FREM1: variants seen among roughly 807,000 people sequenced by gnomAD.
FREM1 encodes FRAS1 related extracellular matrix 1, also known as FRAS1-related extracellular matrix protein 1.
FREM1 carries 220 observed loss-of-function variants against 210.1 expected under a neutral mutation model. The ratio of observed to expected loss-of-function variants is 1.05; its 90% CI spans 0.94 to 1.17. FREM1 has a LOEUF of 1.17. FREM1 is among the 50% of genes most tolerant of loss of function. The pLI, the probability that FREM1 is intolerant of heterozygous loss-of-function variation, is 0.00. For synonymous variants in FREM1, 1,189 were observed against 980.2 expected (o/e 1.21, Z -3.98); for missense variants, 3,454 against 2,675.5 (o/e 1.29, Z -6.42).
chr9:14,839,869 G>C (rs749160254), intron 10 of FREM1, among the ~76,000 whole-genome samples: 63 of 152,298 alleles, frequency 4.1e-4, no homozygotes, highest in Middle Eastern at 3.4e-3. Flanking sequence ...CCTATTAACT[G>C]TTACCTTTTT....
chr9:14,823,380 G>A (rs1257429203), intron 12 of FREM1, 53 bp from the exon 13 acceptor site: 1 of 1,500,490 alleles, frequency 6.7e-7, no homozygotes, highest in African/African-American at 1.4e-5. Context: ...AGGATCAAAA[G>A]CTTTTAGAGG....
At position 14,860,834 on chromosome 9, in the gene FREM1, CGTATATATACATATATACGT is replaced by C. The variant is rs1564102282; in HGVS notation, c.330-1370_330-1351del. On this transcript the variant is annotated intron_variant, in intron 3 of 36. Coordinates refer to ENST00000380880, the MANE Select transcript of FREM1 (RefSeq NM_001379081.2). ...ATATATACACATATATACATATATA[CGTATATATACATATATACGT>C]ATATATACACATATATATACGTATA... Among the ~76,000 whole-genome samples, 180 of 114,796 alleles carry C rather than the reference CGTATATATACATATATACGT, an allele frequency of 1.6e-3. 4 individuals are homozygous for C. The highest frequency in any genetic ancestry group is 2.1e-3 in the Non-Finnish European group (125 of 60,826). 75.3% of individuals were successfully genotyped at this position (114,796 alleles called of 152,430 possible).
At chr9:14,846,373 A>G (rs371324804) in intron 7 of FREM1, among the ~76,000 whole-genome samples, 6 of 152,156 alleles carry the variant, frequency 3.9e-5, no homozygotes, top group African/African-American at 1.4e-4. Flanking sequence ...GTAGAGGGGA[A>G]AGGGGAGAAA....
chr9:14,885,000 C>T (rs1325784253), intron 1 of FREM1, among the ~76,000 whole-genome samples: 2 of 128,778 alleles, frequency 1.6e-5, no homozygotes, highest in Non-Finnish European at 3.1e-5. Context: ...TCTCGGCTCA[C>T]TGCAAGCTCC....
At position 14,846,094 on chromosome 9, in the gene FREM1, A is replaced by G. The variant is rs376125753; in HGVS notation, c.1262-3T>C. 7.7e-6 allele frequency: 12 copies of G among 1,563,352 alleles called. No homozygotes were observed. The African/African-American group carries it at 1.4e-4, about 18-fold the overall frequency. The stretch of plus-strand genomic sequence containing the variant: ...CTGCCCCTCAAGGAGACTCAGACCT[A>G]TGAAAGAAAGGAGAAAAGGGTGTTG... On this transcript the variant is annotated splice_polypyrimidine_tract_variant and splice_region_variant and intron_variant, in intron 7 of 36. Transcript: ENST00000380880.
intron 30 of FREM1, among the ~76,000 whole-genome samples, chr9:14,748,853 A>T (rs1842886172): frequency 6.6e-6 from 1 of 152,248 alleles, no homozygotes; most frequent in South Asian, 2.1e-4. Flanking sequence ...TTGAGTGATT[A>T]TAAAGTCATG....
At chr9:14,812,495 C>T (rs1819581423) in intron 16 of FREM1, among the ~76,000 whole-genome samples, 1 of 152,060 alleles carries the variant, frequency 6.6e-6, no homozygotes, top group African/African-American at 2.4e-5. Flanking sequence ...GATTTATAGA[C>T]CCACCAACTA....
At chr9:14,793,944 G>A (rs900519803) in intron 21 of FREM1, among the ~76,000 whole-genome samples, 4 of 152,208 alleles carry the variant, frequency 2.6e-5, no homozygotes, top group Non-Finnish European at 1.5e-5. Context: ...ATTCCAGAAA[G>A]CTAAGCAATC....
At chr9:14,806,635 T>C (rs1461189572) in intron 18 of FREM1, 26 bp downstream of exon 18, 3 of 1,337,714 alleles carry the variant, frequency 2.2e-6, no homozygotes, top group African/African-American at 2.9e-5. Flanking sequence ...AAGGGAGTCA[T>C]TGCTGGTGAC....
chr9:14,797,566 T>A lies in FREM1; in HGVS notation c.3771A>T (p.Lys1257Asn), dbSNP rs765821849. 2.5e-6 allele frequency: 4 copies of A among 1,613,086 alleles called. No individual in the cohort carries two copies. The highest frequency in any genetic ancestry group is 3.3e-5 in the Admixed American group (2 of 59,996). ...DDFTIQLSDG[K>N]HKILKTISVE... ...CTGAAATGGTTTTAAGTATCTTATG[T>A]TTCCCATCTGACAATTGGATTGTAA... The change falls in exon 21 of 37, where the codon AAA (lysine) becomes AAT (asparagine). Residue 1257 changes from lysine (K) to asparagine (N), a missense_variant. By Grantham distance (94) the Lys-to-Asn change is moderately conservative (BLOSUM62 0). Coordinates refer to ENST00000380880, the MANE Select transcript of FREM1 (RefSeq NM_001379081.2).
chr9:14,871,651 T>C (rs1354702118), intron 1 of FREM1, among the ~76,000 whole-genome samples: 1 of 152,186 alleles, frequency 6.6e-6, no homozygotes, highest in Non-Finnish European at 1.5e-5. Context: ...AGAAGCTCTT[T>C]AGTTTAATTA....
chr9:14,797,525 A>G lies in FREM1; in HGVS notation c.3812T>C (p.Val1271Ala). The stretch of plus-strand genomic sequence containing the variant: ...GCTCAGCATTGGTTTTTCATCATTA[A>G]CTGGGATGACCTCTACTGAAATGGT... The part of the protein sequence containing the change: ...LKTISVEVIP[V>A]NDEKPMLSKK... The change falls in exon 21 of 37, where the codon GTT becomes GCT. Residue 1271 changes from valine (V) to alanine (A), a missense_variant. Coordinates refer to ENST00000380880, the MANE Select transcript of FREM1 (RefSeq NM_001379081.2). 4 of 1,609,426 alleles carry G rather than the reference A, an allele frequency of 2.5e-6. No individual in the cohort carries two copies. The highest frequency in any genetic ancestry group is 3.4e-6 in the Non-Finnish European group (4 of 1,177,890).
chr9:14,778,640 AAAGGGAGGG>A (rs757735664), intron 24 of FREM1, among the ~76,000 whole-genome samples: 1 of 96,144 alleles, frequency 1.0e-5, no homozygotes, highest in Non-Finnish European at 2.1e-5. Flanking sequence ...AGAGGAAAGG[AAAGGGAGGG>A]AAGGGAGGGG....
chr9:14,898,292 A>G (rs906688844), intron 1 of FREM1, among the ~76,000 whole-genome samples: 1 of 152,254 alleles, frequency 6.6e-6, no homozygotes, highest in East Asian at 1.9e-4. Flanking sequence ...AATGTAAATC[A>G]AAGTTGCCAG....
chr9:14,808,230 C>G (rs1271389180), intron 16 of FREM1, 96 bp from the exon 17 acceptor site: 1 of 719,286 alleles, frequency 1.4e-6, no homozygotes, highest in Non-Finnish European at 2.2e-6. Context: ...ATTGAAACAG[C>G]AAGGAAAAGA....
chr9:14,868,829 GC>G lies in FREM1; in HGVS notation c.148del (p.Ala50ProfsTer14), dbSNP rs1832041898. 6.2e-7 allele frequency: 1 copy of G among 1,611,862 alleles called. No homozygotes were observed. The highest frequency in any genetic ancestry group is 8.5e-7 in the Non-Finnish European group (1 of 1,179,000). ...GCAGGCATCTTTCTCTTTAGGGATG[GC>G]AAACTTCAGGTCATCTCCTGACAGG... Reference protein sequence around the residue: ...AFLSGDDLKFAIPKEKDACKV... With the variant: ...AFLSGDDLKFXIPKEKDACKV... On this transcript the variant is annotated frameshift_variant, in exon 2 of 37. Transcript: ENST00000380880. LOFTEE classifies it high-confidence loss of function.
At chr9:14,756,325 AAAAAC>A in intron 29 of FREM1, 44 bp downstream of exon 29, 2 of 1,423,416 alleles carry the variant, frequency 1.4e-6, no homozygotes, top group Non-Finnish European at 1.9e-6. Flanking sequence ...GCCTACAAAA[AAAAAC>A]AAAAAACAAA....
intron 27 of FREM1, among the ~76,000 whole-genome samples, chr9:14,768,368 T>C (rs1319475508): frequency 6.6e-6 from 1 of 151,538 alleles, no homozygotes; most frequent in African/African-American, 2.4e-5. Flanking sequence ...GATATTTGTC[T>C]GACATTGCAA....
intron 12 of FREM1, among the ~76,000 whole-genome samples, chr9:14,823,616 A>G (rs12004092): frequency 0.038 from 5,386 of 140,722 alleles, 302 homozygotes; most frequent in African/African-American, 0.12. Context: ...ATGAGAAAAT[A>G]AAGCTCATAG....
Sources: gnomAD v4.1 joint callset for allele counts (sites outside exome capture counted in the v4.1 genomes callset) on GRCh38, gnomAD v4.1.1 for gene constraint, MANE v1.5 for transcripts, NCBI Gene and HGNC (gene_info 2026-07-23, HGNC 2026-07-21) for gene names.